The following CDH18 variants were observed in gnomAD, a reference collection of about 807,000 sequenced individuals.
CDH18 encodes the protein cadherin 18.
In CDH18, 31 loss-of-function variants were observed where a neutral mutation model predicts 67.9. The observed-to-expected ratio is 0.46, with a 90% CI of 0.34 to 0.62. CDH18 has a LOEUF of 0.62. Ranked by LOEUF, CDH18 falls within the 20% of genes least tolerant of loss-of-function variation. The pLI is 0.01. For missense variants in CDH18, 890 were observed against 975.5 expected (o/e 0.91, Z 1.17); for synonymous variants, 362 against 347.2 (o/e 1.04, Z -0.48).
intron 1 of CDH18, among the ~76,000 whole-genome samples, chr5:20,565,205 C>T (rs979576512): frequency 6.6e-6 from 1 of 152,082 alleles, no homozygotes; most frequent in African/African-American, 2.4e-5. Context: ...GTGAACTGGC[C>T]TTGTTTTGAG....
chr5:19,476,432 C>A lies in CDH18; in HGVS notation c.1883-2716G>T, dbSNP rs943708611. 2.6e-5 allele frequency among the ~76,000 whole-genome samples: 4 copies of A among 151,944 alleles called. No individual in the cohort carries two copies. In the East Asian group the frequency reaches 7.7e-4, roughly 29 times the overall value. ...TGTCAAAGACATTGCTTAATATATGCCTTTATTTTGGGGTAAAAAAGGCTT... is the reference window on the plus strand; with the variant it reads ...TGTCAAAGACATTGCTTAATATATGACTTTATTTTGGGGTAAAAAAGGCTT... On this transcript the variant is annotated intron_variant, in intron 12 of 12. Coordinates refer to ENST00000382275, the MANE Select transcript of CDH18 (RefSeq NM_004934.5).
intron 2 of CDH18, among the ~76,000 whole-genome samples, chr5:20,169,557 C>T (rs936103359): frequency 2.0e-5 from 3 of 151,998 alleles, no homozygotes; most frequent in African/African-American, 4.8e-5. Context: ...TCCTTTGAAC[C>T]GTAAAAGCCA....
rs188918994 is a variant in CDH18, at chr5:19,929,985, A to T, written c.-257+51075T>A. 2.6e-5 allele frequency among the ~76,000 whole-genome samples: 4 copies of T among 152,188 alleles called. No individual in the cohort carries two copies. The East Asian group carries it at 5.8e-4, about 22-fold the overall frequency. On this transcript the variant is annotated intron_variant, in intron 2 of 12. Coordinates refer to ENST00000382275, the MANE Select transcript of CDH18 (RefSeq NM_004934.5). ...AGAAACTAAGAAAAAATAGGTTCAG[A>T]TGTATAATGACAGTGACAGGGTAAA...
intron 1 of CDH18, among the ~76,000 whole-genome samples, chr5:20,473,219 A>T (rs1752209156): frequency 6.6e-6 from 1 of 152,158 alleles, no homozygotes; most frequent in Non-Finnish European, 1.5e-5. Flanking sequence ...GATATTTGTT[A>T]AAAAACAAAA....
chr5:20,261,466 C>T (rs181910890), intron 1 of CDH18, among the ~76,000 whole-genome samples: 14 of 152,222 alleles, frequency 9.2e-5, no homozygotes, highest in East Asian at 3.9e-4. Context: ...AGAGGTCGGG[C>T]GTGGTGGCTC....
At chr5:20,549,974 T>A (rs1757545461) in intron 1 of CDH18, among the ~76,000 whole-genome samples, 1 of 152,180 alleles carries the variant, frequency 6.6e-6, no homozygotes, top group African/African-American at 2.4e-5. Context: ...ATATTGAAAT[T>A]TTCTAATGTA....
chr5:19,734,532 G>A (rs1200307562), intron 4 of CDH18, among the ~76,000 whole-genome samples: 2 of 152,004 alleles, frequency 1.3e-5, no homozygotes, highest in Non-Finnish European at 2.9e-5. Flanking sequence ...CCTTATGGTA[G>A]AATAAAAATA....
chr5:19,758,229 C>G (rs992176084), intron 3 of CDH18, among the ~76,000 whole-genome samples: 1 of 152,148 alleles, frequency 6.6e-6, no homozygotes, highest in Non-Finnish European at 1.5e-5. Flanking sequence ...AGAAAGCAAC[C>G]AGTTAATGAT....
intron 2 of CDH18, among the ~76,000 whole-genome samples, chr5:19,920,127 AC>A (rs1205183942): frequency 6.6e-6 from 1 of 152,212 alleles, no homozygotes; most frequent in Non-Finnish European, 1.5e-5. Context: ...TATTTTCAGT[AC>A]TATAACATTA....
At position 20,321,449 on chromosome 5, in the gene CDH18, C is replaced by T. The variant is rs114423502; in HGVS notation, c.-579-65944G>A. Among the ~76,000 whole-genome samples, 1,157 of 151,802 alleles carry T rather than the reference C, an allele frequency of 7.6e-3. 13 individuals are homozygous for T. Among genetic ancestry groups the T allele is most frequent in the African/African-American group, 0.026 (1,081 of 41,374 alleles). ...CTACCCAATTCCTTCTAGCTTGGGA[C>T]GAATGGAAGGAAAAGTCAAGCAGAA... On this transcript the variant is annotated intron_variant, in intron 1 of 14. Coordinates refer to the CDH18 transcript ENST00000507958.
intron 2 of CDH18, among the ~76,000 whole-genome samples, chr5:19,952,538 T>C (rs975377300): frequency 6.6e-6 from 1 of 152,162 alleles, no homozygotes; most frequent in African/African-American, 2.4e-5. Flanking sequence ...TGTGTCCTTC[T>C]TCCTAATACT....
chr5:19,768,442 A>G (rs1238751427), intron 3 of CDH18, among the ~76,000 whole-genome samples: 1 of 152,282 alleles, frequency 6.6e-6, no homozygotes, highest in Non-Finnish European at 1.5e-5. Flanking sequence ...AGTTTAAAAG[A>G]CATACAAAGA....
intron 1 of CDH18, among the ~76,000 whole-genome samples, chr5:20,284,734 A>G (rs1438921935): frequency 6.6e-6 from 1 of 151,942 alleles, no homozygotes; most frequent in Non-Finnish European, 1.5e-5. Context: ...TTTAAAACTA[A>G]TATTTTAAAC....
chr5:19,522,920 G>C (rs1265079595), intron 9 of CDH18, among the ~76,000 whole-genome samples: 1 of 142,186 alleles, frequency 7.0e-6, no homozygotes, highest in Non-Finnish European at 1.5e-5. Flanking sequence ...AAAAAAAGGA[G>C]AGTTGCTGTA....
At chr5:20,180,640 C>T (rs575614537) in intron 2 of CDH18, among the ~76,000 whole-genome samples, 2 of 152,212 alleles carry the variant, frequency 1.3e-5, no homozygotes, top group Non-Finnish European at 2.9e-5. Context: ...TCAAATGAAC[C>T]TAAATCCCTC....
intron 1 of CDH18, among the ~76,000 whole-genome samples, chr5:20,342,987 C>A (rs1016933764): frequency 3.2e-4 from 49 of 152,132 alleles, no homozygotes; most frequent in African/African-American, 1.2e-3. Context: ...GTGAGGGCAG[C>A]ACCTGCATCT....
intron 2 of CDH18, among the ~76,000 whole-genome samples, chr5:20,229,930 A>G (rs1741932565): frequency 6.6e-6 from 1 of 152,116 alleles, no homozygotes. Flanking sequence ...TAGCACATTG[A>G]GACATATTAT....
At chr5:19,805,303 G>A (rs137932275) in intron 3 of CDH18, among the ~76,000 whole-genome samples, 8 of 152,034 alleles carry the variant, frequency 5.3e-5, no homozygotes, top group East Asian at 1.9e-4. Context: ...TGTTATCCAC[G>A]TCCTCCTTGA....
At chr5:20,291,198 A>T (rs970041307) in intron 1 of CDH18, among the ~76,000 whole-genome samples, 3 of 152,158 alleles carry the variant, frequency 2.0e-5, no homozygotes, top group Non-Finnish European at 4.4e-5. Context: ...AGTGAATCAA[A>T]GAGTTTTTAA....
Sources: gnomAD v4.1 joint callset for allele counts (sites outside exome capture counted in the v4.1 genomes callset) on GRCh38, gnomAD v4.1.1 for gene constraint, MANE v1.5 for transcripts, NCBI Gene and HGNC (gene_info 2026-07-23, HGNC 2026-07-21) for gene names.